The following WWOX variants were observed in gnomAD, a reference collection of about 807,000 sequenced individuals.
WWOX encodes WW domain-containing oxidoreductase.
Under a neutral mutation model 46.2 loss-of-function variants are expected in WWOX, and 69 were observed. The observed-to-expected ratio is 1.49, with a 90% CI of 1.23 to 1.82. WWOX has a LOEUF of 1.82. Among genes scored for constraint, WWOX ranks in the 40% most tolerant of loss-of-function variants. WWOX has a pLI of 0.00. For synonymous variants in WWOX, 359 were observed against 202.6 expected (o/e 1.77, Z -6.56); for missense variants, 919 against 542.6 (o/e 1.69, Z -6.89).
At chr16:78,692,551 C>A (rs1000746843) in intron 8 of WWOX, among the ~76,000 whole-genome samples, 1 of 152,178 alleles carries the variant, frequency 6.6e-6, no homozygotes, top group Non-Finnish European at 1.5e-5. Flanking sequence ...TTATGGGTAA[C>A]ACCTGTAGAT....
At chr16:78,466,157 T>G (rs1287657444) in intron 8 of WWOX, among the ~76,000 whole-genome samples, 1 of 151,928 alleles carries the variant, frequency 6.6e-6, no homozygotes, top group African/African-American at 2.4e-5. Context: ...TCAGCCTTCC[T>G]AGTAGCTGGG....
At chr16:78,784,070 A>G (rs1226407661) in intron 8 of WWOX, among the ~76,000 whole-genome samples, 1 of 152,186 alleles carries the variant, frequency 6.6e-6, no homozygotes, top group East Asian at 1.9e-4. Context: ...GATACCATGT[A>G]CTGAGCACTT....
At chr16:78,237,080 A>G (rs995991879) in intron 5 of WWOX, among the ~76,000 whole-genome samples, 1 of 151,682 alleles carries the variant, frequency 6.6e-6, no homozygotes. Context: ...TCTCAAAAAA[A>G]AAAAAAAAAA....
At chr16:79,211,022 T>A (rs2051718823) in intron 8 of WWOX, among the ~76,000 whole-genome samples, 1 of 124,752 alleles carries the variant, frequency 8.0e-6, no homozygotes. Context: ...TAAGTATGAA[T>A]GTATGGTGAG....
In WWOX at chr16:78,788,200, G is replaced by A. The variant is rs1356712132; in HGVS notation, c.1056+355448G>A. ...TGTTGTTGCTTCTGTTTTTGGTGTT[G>A]TATCTAAGAATCCATTGCCAAATCC... On this transcript the variant is annotated intron_variant, in intron 8 of 8. Transcript: ENST00000566780. 2.0e-5 allele frequency among the ~76,000 whole-genome samples: 3 copies of A among 152,114 alleles called. No individual in the cohort carries two copies. The East Asian group carries it at 5.8e-4, about 29-fold the overall frequency.
intron 8 of WWOX, among the ~76,000 whole-genome samples, chr16:78,835,172 T>G (rs2051944857): frequency 6.6e-6 from 1 of 152,194 alleles, no homozygotes; most frequent in South Asian, 2.1e-4. Flanking sequence ...GCTTTTGTCA[T>G]TATCCAACAT....
chr16:79,128,890 G>C (rs933950692), intron 8 of WWOX, among the ~76,000 whole-genome samples: 2 of 152,154 alleles, frequency 1.3e-5, no homozygotes, highest in African/African-American at 4.8e-5. Context: ...GGCCTGACTG[G>C]TGTCACGATC....
intron 5 of WWOX, among the ~76,000 whole-genome samples, chr16:78,349,209 T>C (rs1447318904): frequency 8.3e-6 from 1 of 120,062 alleles, no homozygotes; most frequent in Admixed American, 8.1e-5. Flanking sequence ...TTTCTTTTCC[T>C]GTGTTCAGAT....
chr16:78,415,963 G>C (rs183343025), intron 6 of WWOX, among the ~76,000 whole-genome samples: 1 of 152,356 alleles, frequency 6.6e-6, no homozygotes, highest in East Asian at 1.9e-4. Context: ...CCACTCATCA[G>C]AAAGGTGGAG....
intron 8 of WWOX, among the ~76,000 whole-genome samples, chr16:78,560,365 A>C (rs749637174): frequency 6.6e-6 from 1 of 152,202 alleles, no homozygotes; most frequent in South Asian, 2.1e-4. Flanking sequence ...ATTAGTGGCC[A>C]GGTGCGGTGG....
At chr16:78,313,934 C>A (rs1037332312) in intron 5 of WWOX, among the ~76,000 whole-genome samples, 1 of 152,066 alleles carries the variant, frequency 6.6e-6, no homozygotes, top group Non-Finnish European at 1.5e-5. Flanking sequence ...GTGACACTTC[C>A]CTTATATCCG....
In WWOX at chr16:78,169,622, A is replaced by G. The variant is rs188329329; in HGVS notation, c.516+5333A>G. 6.4e-3 allele frequency among the ~76,000 whole-genome samples: 975 copies of G among 152,100 alleles called. 4 individuals are homozygous for G. The highest frequency in any genetic ancestry group is 0.024 in the Middle Eastern group (7 of 294). ...CTGAGTTCCTCCTTCTTCTGTTTCT[A>G]TTAGATTTCTAAATTTTAGTTTCTA... On this transcript the variant is annotated intron_variant, in intron 5 of 8. Coordinates refer to ENST00000566780, the MANE Select transcript of WWOX (RefSeq NM_016373.4).
At chr16:78,345,966 AAAAT>A (rs1368135399) in intron 5 of WWOX, among the ~76,000 whole-genome samples, 1 of 108,888 alleles carries the variant, frequency 9.2e-6, no homozygotes, top group Non-Finnish European at 2.0e-5. Context: ...GAAAATAAAA[AAAAT>A]AGAACATTTA....
intron 8 of WWOX, among the ~76,000 whole-genome samples, chr16:79,167,374 T>G (rs562942666): frequency 5.1e-4 from 78 of 152,324 alleles, no homozygotes; most frequent in African/African-American, 1.8e-3. Flanking sequence ...TTCTTAGTAT[T>G]TGGTTTTTTT....
chr16:78,424,853 G>A lies in WWOX; in HGVS notation c.606-17G>A, dbSNP rs4130513. The A allele has an allele frequency of 0.11, 172,565 of 1,613,034 alleles. 20,608 individuals carry two copies. Among genetic ancestry groups the A allele is most frequent in the African/African-American group, 0.61 (45,659 of 74,688 alleles). ...TAGTGTTTATGTCCACATCACATGG[G>A]ATATTTTATTTTTCAGGCCTCTTCA... On this transcript the variant is annotated splice_polypyrimidine_tract_variant and intron_variant, in intron 6 of 8. Transcript: ENST00000566780.
intron 8 of WWOX, among the ~76,000 whole-genome samples, chr16:78,624,822 G>A (rs1204917537): frequency 6.6e-6 from 1 of 152,148 alleles, no homozygotes; most frequent in Non-Finnish European, 1.5e-5. Flanking sequence ...TTTCTGGCTT[G>A]AATTTGTTTG....
intron 8 of WWOX, among the ~76,000 whole-genome samples, chr16:79,075,543 C>G (rs1227428279): frequency 2.1e-5 from 1 of 46,572 alleles, no homozygotes; most frequent in Non-Finnish European, 3.8e-5. Context: ...TTTCCTTTCT[C>G]TCTCTCTCTT....
chr16:78,463,692 T>C (rs2084006739), intron 8 of WWOX, among the ~76,000 whole-genome samples: 1 of 152,230 alleles, frequency 6.6e-6, no homozygotes, highest in African/African-American at 2.4e-5. Context: ...TGGCTGATAC[T>C]CTGTCATCTG....
At chr16:78,362,339 C>A (rs192075172) in intron 5 of WWOX, among the ~76,000 whole-genome samples, 5 of 152,218 alleles carry the variant, frequency 3.3e-5, no homozygotes, top group Admixed American at 2.6e-4. Context: ...ACAGGCATTA[C>A]AGGCTTAAGC....
Sources: allele counts gnomAD v4.1 joint callset (sites outside exome capture counted in the v4.1 genomes callset), GRCh38; gene constraint gnomAD v4.1.1; transcripts MANE v1.5; gene names NCBI Gene and HGNC (gene_info 2026-07-23, HGNC 2026-07-21).